Variants in TTC6 observed in about 807,000 individuals in gnomAD.
The protein encoded by TTC6 is tetratricopeptide repeat domain 6.
In TTC6, 172 loss-of-function variants were observed where a neutral mutation model predicts 210.4. The observed-to-expected ratio is 0.82, with a 90% CI of 0.72 to 0.93. The LOEUF (loss-of-function observed/expected upper bound fraction) is 0.93. Ranked by LOEUF, TTC6 falls within the 40% of genes least tolerant of loss-of-function variation. TTC6 has a pLI of 0.00. For missense variants in TTC6, 2,414 were observed against 2,318.1 expected (o/e 1.04, Z -0.85); for synonymous variants, 804 against 819.6 (o/e 0.98, Z 0.32).
intron 14 of TTC6, among the ~76,000 whole-genome samples, chr14:37,782,619 T>G (rs990847843): frequency 3.3e-5 from 5 of 152,130 alleles, no homozygotes; most frequent in Non-Finnish European, 5.9e-5. Flanking sequence ...TACCCTTTAT[T>G]TCTTTCTCCT....
chr14:37,693,708 A>G (rs1474300278), intron 3 of TTC6, among the ~76,000 whole-genome samples: 1 of 152,206 alleles, frequency 6.6e-6, no homozygotes, highest in Non-Finnish European at 1.5e-5. Flanking sequence ...CTGCAAAGCT[A>G]TAGAAACCAA....
At chr14:37,753,803 C>T (rs1180868588) in intron 14 of TTC6, among the ~76,000 whole-genome samples, 1 of 149,122 alleles carries the variant, frequency 6.7e-6, no homozygotes, top group Non-Finnish European at 1.5e-5. Context: ...TGTTTTTGAA[C>T]TCCTGGCTTC....
At chr14:37,810,388 G>T (rs1452661284) in intron 24 of TTC6, among the ~76,000 whole-genome samples, 1 of 152,178 alleles carries the variant, frequency 6.6e-6, no homozygotes, top group Non-Finnish European at 1.5e-5. Context: ...TTAAGAAAAT[G>T]CAAAACTACC....
chr14:37,693,582 CA>C (rs1446804798), intron 3 of TTC6, among the ~76,000 whole-genome samples: 4 of 151,644 alleles, frequency 2.6e-5, no homozygotes, highest in African/African-American at 9.7e-5. Flanking sequence ...CAAACAAAAA[CA>C]AAAACCATAC....
Position 37,827,284 on chromosome 14 carries a change from AT to A in TTC6, c.5217del (p.Asp1739GlufsTer5), listed in dbSNP as rs765884173. On this transcript the variant is annotated frameshift_variant, in exon 29 of 31. Coordinates refer to ENST00000553443, the Ensembl canonical transcript of TTC6. LOFTEE classifies it high-confidence loss of function. ...CAGAATGCAATGAAAGACTACCAAG[AT>A]GCAATTACTCTAAACCCCAAGTACT... The A allele has an allele frequency of 2.3e-4, 378 of 1,613,234 alleles. No homozygotes were observed. Among genetic ancestry groups the A allele is most frequent in the Non-Finnish European group, 3.1e-4 (360 of 1,179,456 alleles).
At chr14:37,775,188 A>G (rs1290857068) in intron 14 of TTC6, among the ~76,000 whole-genome samples, 2 of 151,990 alleles carry the variant, frequency 1.3e-5, no homozygotes, top group East Asian at 1.9e-4. Flanking sequence ...TAACTACTGG[A>G]TTTGTTTATC....
chr14:37,623,019 CAA>C lies in TTC6; in HGVS notation c.939+17_939+18del, dbSNP rs758272565. On this transcript the variant is annotated intron_variant, in intron 1 of 30. Transcript: ENST00000553443. ...TACAATGGAAGTAGGTGAACCAAAACAAGAGTAACATTTTTCCCAAATGCAAT... is the reference window on the plus strand; with the variant it reads ...TACAATGGAAGTAGGTGAACCAAAACGAGTAACATTTTTCCCAAATGCAAT... 6.9e-7 allele frequency: 1 copy of C among 1,440,312 alleles called. No individual in the cohort carries two copies. Among genetic ancestry groups the C allele is most frequent in the Non-Finnish European group, 9.1e-7 (1 of 1,097,530 alleles). 89.2% of individuals were successfully genotyped at this position (1,440,312 alleles called of 1,614,324 possible).
At chr14:37,762,554 A>G (rs908232345) in intron 14 of TTC6, among the ~76,000 whole-genome samples, 2 of 152,080 alleles carry the variant, frequency 1.3e-5, no homozygotes, top group Admixed American at 1.3e-4. Context: ...CATTTCCCTA[A>G]TGATGTTGAG....
intron 1 of TTC6, among the ~76,000 whole-genome samples, chr14:37,639,619 C>T (rs558761434): frequency 3.3e-4 from 50 of 150,988 alleles, no homozygotes; most frequent in African/African-American, 1.2e-3. Context: ...GCCTGTAATC[C>T]CAGCACTTTG....
chr14:37,698,874 G>T (rs535170719), intron 4 of TTC6, among the ~76,000 whole-genome samples: 3 of 152,148 alleles, frequency 2.0e-5, no homozygotes, highest in South Asian at 2.1e-4. Context: ...AAAGGCAAGG[G>T]TTAGGGATTT....
chr14:37,779,968 A>G (rs1432639694), intron 14 of TTC6, among the ~76,000 whole-genome samples: 2 of 152,162 alleles, frequency 1.3e-5, no homozygotes, highest in African/African-American at 2.4e-5. Flanking sequence ...CTAGGAATAG[A>G]GTAAAATAAG....
intron 14 of TTC6, among the ~76,000 whole-genome samples, chr14:37,786,247 GCCTCC>G (rs1288618556): frequency 1.3e-5 from 2 of 152,188 alleles, no homozygotes; most frequent in Admixed American, 1.3e-4. Flanking sequence ...AGGCAGGCAG[GCCTCC>G]TTGAGCTGTG....
intron 3 of TTC6, among the ~76,000 whole-genome samples, chr14:37,684,597 C>T (rs1167676160): frequency 6.6e-6 from 1 of 152,046 alleles, no homozygotes; most frequent in African/African-American, 2.4e-5. Context: ...AATATTATGC[C>T]TTATTGTTGT....
intron 6 of TTC6, among the ~76,000 whole-genome samples, chr14:37,723,848 A>T (rs1327519926): frequency 2.0e-5 from 3 of 152,164 alleles, no homozygotes; most frequent in Admixed American, 6.5e-5. Context: ...AAATGATTTT[A>T]AAAAATTCAT....
At chr14:37,828,957 T>G (rs187928354) in intron 29 of TTC6, among the ~76,000 whole-genome samples, 1 of 152,046 alleles carries the variant, frequency 6.6e-6, no homozygotes, top group Non-Finnish European at 1.5e-5. Flanking sequence ...GCTACATTAT[T>G]TCATGTATAG....
chr14:37,666,803 G>A (rs1400520041), intron 1 of TTC6, among the ~76,000 whole-genome samples: 1 of 150,202 alleles, frequency 6.7e-6, no homozygotes, highest in African/African-American at 2.4e-5. Flanking sequence ...GGCTCTCAGG[G>A]TTCCAAAGTT....
upstream of TTC6, among the ~76,000 whole-genome samples, chr14:37,618,399 C>A (rs1377826689): frequency 6.6e-6 from 1 of 152,136 alleles, no homozygotes; most frequent in Non-Finnish European, 1.5e-5. Flanking sequence ...GCATTCTGTC[C>A]CGTTTTAAAG....
intron 14 of TTC6, among the ~76,000 whole-genome samples, chr14:37,770,412 C>T (rs949396079): frequency 2.0e-5 from 3 of 152,050 alleles, no homozygotes; most frequent in Non-Finnish European, 4.4e-5. Flanking sequence ...GTGTTAAAGT[C>T]TCCCATTATT....
chr14:37,596,946 G>A (rs575000114), intron 1 of TTC6, among the ~76,000 whole-genome samples: 1 of 151,570 alleles, frequency 6.6e-6, no homozygotes, highest in Non-Finnish European at 1.5e-5. Flanking sequence ...CAGCAGGGGA[G>A]CAGAGAGGGT....
Sources: allele counts gnomAD v4.1 joint callset (sites outside exome capture counted in the v4.1 genomes callset), GRCh38; gene constraint gnomAD v4.1.1; transcripts MANE v1.5; gene names NCBI Gene and HGNC (gene_info 2026-07-23, HGNC 2026-07-21).